The following POU2F2 variants were observed in gnomAD, a reference collection of about 807,000 sequenced individuals.
The protein encoded by POU2F2 is POU domain, class 2, transcription factor 2.
In POU2F2, 14 loss-of-function variants were observed where a neutral mutation model predicts 63.5. The observed-to-expected ratio is 0.22, with a 90% confidence interval of 0.15 to 0.34. The LOEUF (loss-of-function observed/expected upper bound fraction) is 0.34, where lower values mean the gene tolerates loss of function less well. POU2F2 is among the 10% of genes least tolerant of loss of function. The pLI, the probability that POU2F2 is intolerant of heterozygous loss-of-function variation, is 1.00. For synonymous variants in POU2F2, 306 were observed against 348.6 expected (o/e 0.88, Z 1.36); for missense variants, 607 against 815.2 (o/e 0.74, Z 3.11).
upstream of POU2F2, among the ~76,000 whole-genome samples, chr19:42,177,959 G>A (rs1246453265): frequency 6.6e-6 from 1 of 152,012 alleles, no homozygotes; most frequent in Non-Finnish European, 1.5e-5. Context: ...ACACAGAAAA[G>A]AGACAGAGAA....
In POU2F2 at chr19:42,099,344, A is replaced by G. The variant is rs1037664917; in HGVS notation, c.567+183T>C. The G allele has an allele frequency of 8.4e-6, 5 of 597,732 alleles. No homozygotes were observed. The Admixed American group carries it at 8.6e-5, about 10-fold the overall frequency. The allele number at this position is 597,732 out of a possible 1,614,324, so 37.0% of individuals were successfully genotyped here. ...TGTCTGGGCCAGCTCCCCTCATTCTATAGAGGAAGAGGCTGACCCAGACAG... is the reference window on the plus strand; with the variant it reads ...TGTCTGGGCCAGCTCCCCTCATTCTGTAGAGGAAGAGGCTGACCCAGACAG... On this transcript the variant is annotated intron_variant, in intron 7 of 14. Transcript: ENST00000692977.
intron 7 of POU2F2, among the ~76,000 whole-genome samples, chr19:42,097,064 A>T (rs377468754): frequency 1.1e-4 from 17 of 152,090 alleles, no homozygotes; most frequent in African/African-American, 4.1e-4. Context: ...CAACAGCTCT[A>T]TCTGGGATTC....
intron 2 of POU2F2, among the ~76,000 whole-genome samples, chr19:42,158,976 G>A (rs766674725): frequency 6.6e-6 from 1 of 152,148 alleles, no homozygotes; most frequent in East Asian, 1.9e-4. Flanking sequence ...CACTCTCAGC[G>A]ATAACAGGGG....
intron 5 of POU2F2, among the ~76,000 whole-genome samples, chr19:42,115,183 C>T (rs1050205986): frequency 2.6e-5 from 4 of 152,096 alleles, no homozygotes; most frequent in Non-Finnish European, 4.4e-5. Flanking sequence ...AGAGCCATCA[C>T]GGAGCCATGC....
chr19:42,105,592 G>A (rs775703429), intron 5 of POU2F2, among the ~76,000 whole-genome samples: 1 of 152,168 alleles, frequency 6.6e-6, no homozygotes, highest in African/African-American at 2.4e-5. Flanking sequence ...ACCAGCGAGA[G>A]GAAAGAATGG....
In POU2F2 at chr19:42,086,657, C is replaced by G. The variant is rs1356897705; in HGVS notation, c.*4600G>C. ...CTGCTCTTCCCAAAGACTCCTCGCC[C>G]ATTCCCCACCCTGCCATTATCCAAA... On this transcript the variant is annotated 3_prime_UTR_variant, in exon 15 of 15. Coordinates refer to ENST00000692977, the MANE Select transcript of POU2F2 (RefSeq NM_001394376.1). 6.6e-6 allele frequency: 1 copy of G among 152,206 alleles called. No homozygotes were observed. The highest frequency in any genetic ancestry group is 1.5e-5 in the Non-Finnish European group (1 of 68,046). 9.4% of individuals were successfully genotyped at this position (152,206 alleles called of 1,614,324 possible).
chr19:42,118,014 T>C lies in POU2F2; in HGVS notation c.187-582A>G, dbSNP rs545193143. 1.5e-3 allele frequency among the ~76,000 whole-genome samples: 232 copies of C among 152,166 alleles called. 1 individual carries two copies. Among genetic ancestry groups the C allele is most frequent in the African/African-American group, 5.4e-3 (225 of 41,506 alleles). ...ATCACAGCTTACTGCAGCTTCTACCTCCCAGGCTCAAGCAATCCTCCCACC... is the reference window on the plus strand; with the variant it reads ...ATCACAGCTTACTGCAGCTTCTACCCCCCAGGCTCAAGCAATCCTCCCACC... On this transcript the variant is annotated intron_variant, in intron 4 of 14. Coordinates refer to ENST00000692977, the MANE Select transcript of POU2F2 (RefSeq NM_001394376.1).
chr19:42,179,868 G>C (rs1490407950), upstream of POU2F2, among the ~76,000 whole-genome samples: 1 of 152,112 alleles, frequency 6.6e-6, no homozygotes, highest in Non-Finnish European at 1.5e-5. Context: ...CAGCCTCCTG[G>C]GACCCGCACT....
At chr19:42,135,593 C>T (rs1230845999), upstream of POU2F2, among the ~76,000 whole-genome samples, 1 of 152,134 alleles carries the variant, frequency 6.6e-6, no homozygotes, top group African/African-American at 2.4e-5. Flanking sequence ...TCTGGCCCAC[C>T]CGAGACACTG....
intron 5 of POU2F2, among the ~76,000 whole-genome samples, chr19:42,113,112 G>A (rs576830672): frequency 1.7e-4 from 26 of 152,182 alleles, no homozygotes; most frequent in African/African-American, 4.8e-4. Context: ...ACTTTCACTC[G>A]CTAGGTCGTA....
At chr19:42,132,347 G>A in intron 1 of POU2F2, 37 bp downstream of exon 1, 1 of 1,585,480 alleles carries the variant, frequency 6.3e-7, no homozygotes, top group Non-Finnish European at 8.6e-7. Flanking sequence ...TGTGCTGCCT[G>A]TCCTCTGAGC....
upstream of POU2F2, chr19:42,134,482 G>C (rs1290530486): frequency 6.6e-6 from 1 of 152,506 alleles, no homozygotes; most frequent in African/African-American, 2.4e-5. Context: ...CCAGAGCTGG[G>C]CCTGGTGAGG....
upstream of POU2F2, among the ~76,000 whole-genome samples, chr19:42,137,451 G>A (rs2034037830): frequency 6.6e-6 from 1 of 152,198 alleles, no homozygotes; most frequent in Non-Finnish European, 1.5e-5. Context: ...GCTGGGCATG[G>A]TGGCTCACAC....
chr19:42,170,574 T>C (rs2034742932), intron 1 of POU2F2, among the ~76,000 whole-genome samples: 1 of 152,136 alleles, frequency 6.6e-6, no homozygotes, highest in African/African-American at 2.4e-5. Flanking sequence ...GGTGGGCATG[T>C]ACACATAGAC....
rs749652102 is a variant in POU2F2 at position 42,132,375 on chromosome 19, C to T, written c.28+9G>A. The T allele has an allele frequency of 1.3e-6, 2 of 1,574,042 alleles. No individual in the cohort carries two copies. ...CTCTGAGCAGTGGCACAGGCACCAGCCCCCTTACCTGGAGCCCCCATGCTG... is the reference window on the plus strand; with the variant it reads ...CTCTGAGCAGTGGCACAGGCACCAGTCCCCTTACCTGGAGCCCCCATGCTG... On this transcript the variant is annotated intron_variant, in intron 1 of 14. Coordinates refer to ENST00000692977, the MANE Select transcript of POU2F2 (RefSeq NM_001394376.1).
upstream of POU2F2, among the ~76,000 whole-genome samples, chr19:42,176,882 G>C (rs563664296): frequency 6.6e-6 from 1 of 151,504 alleles, no homozygotes; most frequent in East Asian, 2.0e-4. Flanking sequence ...CCCGCCCGGA[G>C]AGCTCTCTGC....
intron 5 of POU2F2, among the ~76,000 whole-genome samples, chr19:42,100,391 C>T (rs1016942280): frequency 1.3e-5 from 2 of 151,892 alleles, no homozygotes; most frequent in Non-Finnish European, 2.9e-5. Context: ...ACCCGGCTAC[C>T]CTTTCTTTCT....
In POU2F2 at chr19:42,095,617, G is replaced by C. The variant is rs757355759; in HGVS notation, c.948C>G (p.Pro316=). The C allele has an allele frequency of 6.2e-7, 1 of 1,613,070 alleles. No individual in the cohort carries two copies. The change falls in exon 10 of 15, where the codon CCC becomes CCG. Residue 316 remains proline (P), a synonymous_variant. Coordinates refer to ENST00000692977, the MANE Select transcript of POU2F2 (RefSeq NM_001394376.1). This position sits in a 1 kb window ranked among gnomAD's most constrained non-coding sequence, Gnocchi z 7.1. ...SSPSLGFDGL[P]GRRRKKRTSI... is the part of the protein sequence containing the mutation. Reference sequence around the variant, plus strand: ...TGGTCCTCTTCTTGCGTCTCCGGCCGGGCAGGCCGTCGAAACCCAGGCTGG... The same window carrying C: ...TGGTCCTCTTCTTGCGTCTCCGGCCCGGCAGGCCGTCGAAACCCAGGCTGG...
intron 1 of POU2F2, among the ~76,000 whole-genome samples, chr19:42,171,874 T>C (rs970067838): frequency 1.3e-5 from 2 of 152,202 alleles, no homozygotes; most frequent in Non-Finnish European, 2.9e-5. Flanking sequence ...TCCCTGTGTG[T>C]GTGTGCACAA....
Sources: allele counts gnomAD v4.1 joint callset (sites outside exome capture counted in the v4.1 genomes callset), GRCh38; gene constraint gnomAD v4.1.1; non-coding constraint Gnocchi (gnomAD v3.1); transcripts MANE v1.5; gene names NCBI Gene and HGNC (gene_info 2026-07-23, HGNC 2026-07-21).